The following ZNF25 variants were observed in gnomAD, a reference collection of about 807,000 sequenced individuals.
ZNF25 encodes zinc finger protein 25 (KOX 19).
ZNF25 carries 21 observed loss-of-function variants against 30.9 expected under a neutral mutation model. The ratio of observed to expected loss-of-function variants is 0.68; its 90% CI spans 0.48 to 0.98. The LOEUF is 0.98. Among genes scored for constraint, ZNF25 ranks in the 50% least tolerant of loss-of-function variants. The pLI, the probability that ZNF25 is intolerant of heterozygous loss-of-function variation, is 0.00. For synonymous variants in ZNF25, 169 were observed against 181.3 expected (o/e 0.93, Z 0.55); for missense variants, 501 against 529.9 (o/e 0.95, Z 0.54).
At chr10:37,973,351 CACACCTGTAATCCCA>C in intron 1 of ZNF25, among the ~76,000 whole-genome samples, 1 of 152,158 alleles carries the variant, frequency 6.6e-6, no homozygotes, top group East Asian at 1.9e-4. Flanking sequence ...CACTGTGGCT[CACACCTGTAATCCCA>C]ACACTTTGGG....
intron 2 of ZNF25, among the ~76,000 whole-genome samples, chr10:37,966,372 C>T (rs1398011801): frequency 6.6e-6 from 1 of 151,662 alleles, no homozygotes; most frequent in Non-Finnish European, 1.5e-5. Context: ...CAAGATCGCA[C>T]CACTGCACTC....
chr10:37,955,305 C>A (rs550508362), intron 4 of ZNF25, among the ~76,000 whole-genome samples: 1 of 152,104 alleles, frequency 6.6e-6, no homozygotes, highest in Admixed American at 6.6e-5. Flanking sequence ...ATGAATATTA[C>A]TAATACCTCC....
At position 37,971,247 on chromosome 10, in the gene ZNF25, C is replaced by T. The variant is rs151076783; in HGVS notation, c.15+461G>A. Reference sequence around the variant, plus strand: ...AGGAGAATCACTTGAACCTGGGAGACAGAGGCTGCAGTGAGCCAAGATTAT... The same window carrying T: ...AGGAGAATCACTTGAACCTGGGAGATAGAGGCTGCAGTGAGCCAAGATTAT... On this transcript the variant is annotated intron_variant, in intron 2 of 5. Coordinates refer to ENST00000302609, the MANE Select transcript of ZNF25 (RefSeq NM_145011.4). 3.9e-3 allele frequency among the ~76,000 whole-genome samples: 588 copies of T among 149,142 alleles called. 7 individuals are homozygous for T. Among genetic ancestry groups the T allele is most frequent in the African/African-American group, 0.014 (559 of 40,472 alleles).
At chr10:37,964,392 C>T (rs142602506) in intron 2 of ZNF25, among the ~76,000 whole-genome samples, 173 of 152,216 alleles carry the variant, frequency 1.1e-3, no homozygotes, top group African/African-American at 2.9e-3. Flanking sequence ...TTCTAAGAGA[C>T]GGATTAAATG....
rs1420252402 is a variant in ZNF25 at position 37,952,379 on chromosome 10, T to C, written c.1119A>G (p.Thr373=). Reference sequence around the variant, plus strand: ...TCACAGCAAAAGATTTGCCACATTCTGTGCATTCATAGGGCTTCTCCCCTG... The same window carrying C: ...TCACAGCAAAAGATTTGCCACATTCCGTGCATTCATAGGGCTTCTCCCCTG... ...KHTGEKPYEC[T]ECGKSFAVNS... Residue 373 remains threonine (T), a synonymous_variant, in exon 6 of 6, where the codon ACA becomes ACG. Coordinates refer to ENST00000302609, the MANE Select transcript of ZNF25 (RefSeq NM_145011.4). The C allele has an allele frequency of 6.2e-7, 1 of 1,613,350 alleles. No homozygotes were observed. Among genetic ancestry groups the C allele is most frequent in the Non-Finnish European group, 8.5e-7 (1 of 1,179,816 alleles).
intron 4 of ZNF25, among the ~76,000 whole-genome samples, chr10:37,955,447 T>C (rs1015311601): frequency 2.0e-5 from 3 of 152,160 alleles, no homozygotes; most frequent in African/African-American, 4.8e-5. Context: ...TCAACAATTT[T>C]TGTTTTGACC....
chr10:37,964,833 A>T (rs2135396689), intron 2 of ZNF25, among the ~76,000 whole-genome samples: 1 of 152,324 alleles, frequency 6.6e-6, no homozygotes, highest in Middle Eastern at 3.4e-3. Context: ...GGAGCCAAGT[A>T]ACAATCCAAG....
In ZNF25 at chr10:37,950,833, T is replaced by G. The variant is rs2135257325; in HGVS notation, c.*1294A>C. 6.6e-6 allele frequency: 1 copy of G among 152,316 alleles called. No homozygotes were observed. The highest frequency in any genetic ancestry group is 1.5e-5 in the Non-Finnish European group (1 of 68,030). The allele number at this position is 152,316 out of a possible 1,614,324, so 9.4% of individuals were successfully genotyped here. A position where few individuals can be genotyped will look rare whatever the true frequency, so the allele number is the denominator to read the frequency against. ...GTCCACACCCTTAACTATGCCATGT[T>G]GCTTCTATGAGGAAGAAAAAGTTGG... On this transcript the variant is annotated 3_prime_UTR_variant, in exon 6 of 6. Transcript: ENST00000302609.
intron 2 of ZNF25, among the ~76,000 whole-genome samples, chr10:37,969,776 A>T (rs1324015941): frequency 6.6e-6 from 1 of 152,266 alleles, no homozygotes; most frequent in East Asian, 1.9e-4. Context: ...ATTTCACTTC[A>T]ATTAAAACAA....
chr10:37,952,418 A>C lies in ZNF25; in HGVS notation c.1080T>G (p.His360Gln), dbSNP rs773150350. 36 of 1,613,928 alleles carry C rather than the reference A, an allele frequency of 2.2e-5. No individual in the cohort carries two copies. The highest frequency in any genetic ancestry group is 3.1e-5 in the Non-Finnish European group (36 of 1,179,988). The change falls in exon 6 of 6, where the codon CAT (histidine) becomes CAG (glutamine). Residue 360 changes from histidine to glutamine, a missense_variant. Physicochemically the swap from His to Gln is conservative, Grantham distance 24. Coordinates refer to ENST00000302609, the MANE Select transcript of ZNF25 (RefSeq NM_145011.4). ...TFYYKSDLTKHQRKHTGEKPY... is the reference protein window; with the variant it reads ...TFYYKSDLTKQQRKHTGEKPY... ...GCTTCTCCCCTGTGTGTTTTCTCTG[A>C]TGTTTAGTGAGGTCTGATTTATAGT...
intron 2 of ZNF25, among the ~76,000 whole-genome samples, chr10:37,964,440 A>G (rs1363048578): frequency 3.3e-5 from 5 of 152,206 alleles, no homozygotes; most frequent in Non-Finnish European, 2.9e-5. Flanking sequence ...TGGACAGTGA[A>G]GGCTAAGCTG....
intron 2 of ZNF25, among the ~76,000 whole-genome samples, chr10:37,963,499 A>T (rs2063006670): frequency 6.6e-6 from 1 of 152,164 alleles, no homozygotes; most frequent in African/African-American, 2.4e-5. Context: ...TTACTGGCCT[A>T]CTGATACAGT....
chr10:37,960,745 G>C (rs1157175432), intron 2 of ZNF25, among the ~76,000 whole-genome samples: 1 of 151,864 alleles, frequency 6.6e-6, no homozygotes, highest in Non-Finnish European at 1.5e-5. Context: ...AGTAAGCCAG[G>C]AGGAGTATCT....
intron 1 of ZNF25, among the ~76,000 whole-genome samples, chr10:37,972,811 A>T (rs1354833336): frequency 6.6e-6 from 1 of 152,188 alleles, no homozygotes; most frequent in Non-Finnish European, 1.5e-5. Flanking sequence ...GACTCCACCG[A>T]AAAAACTGGT....
chr10:37,951,902 T>C lies in ZNF25; in HGVS notation c.*225A>G. ...TTCCTGTTTTACAATTTGCATGACTTCTGCCATCTATATTATCTAATATTT... is the reference window on the plus strand; with the variant it reads ...TTCCTGTTTTACAATTTGCATGACTCCTGCCATCTATATTATCTAATATTT... On this transcript the variant is annotated 3_prime_UTR_variant, in exon 6 of 6. Coordinates refer to ENST00000302609, the MANE Select transcript of ZNF25 (RefSeq NM_145011.4). 1 of 414,490 alleles carries C rather than the reference T, an allele frequency of 2.4e-6. No individual in the cohort carries two copies. Among genetic ancestry groups the C allele is most frequent in the Non-Finnish European group, 4.2e-6 (1 of 236,686 alleles). The allele number at this position is 414,490 out of a possible 1,614,324, so 25.7% of individuals were successfully genotyped here.
intron 4 of ZNF25, among the ~76,000 whole-genome samples, chr10:37,954,558 C>T (rs934136924): frequency 2.6e-5 from 4 of 152,140 alleles, no homozygotes; most frequent in Non-Finnish European, 5.9e-5. Context: ...ACCATCAAAT[C>T]CTGCACTTCT....
chr10:37,971,268 A>C (rs909758729), intron 2 of ZNF25, among the ~76,000 whole-genome samples: 3 of 150,858 alleles, frequency 2.0e-5, no homozygotes, highest in Non-Finnish European at 4.4e-5. Context: ...GTGAGCCAAG[A>C]TTATACCATT....
chr10:37,960,900 T>C (rs1001397136), intron 2 of ZNF25, among the ~76,000 whole-genome samples: 16 of 152,160 alleles, frequency 1.1e-4, no homozygotes, highest in Non-Finnish European at 2.2e-4. Flanking sequence ...TTGAGAAATG[T>C]TGGAAATATC....
At chr10:37,971,532 T>C (rs1816763190) in intron 2 of ZNF25, among the ~76,000 whole-genome samples, 176 bp downstream of exon 2, 2 of 151,950 alleles carry the variant, frequency 1.3e-5, no homozygotes, top group Admixed American at 6.6e-5. Flanking sequence ...ATTTTGAGAA[T>C]TGCTGTTTTA....
Sources: allele counts gnomAD v4.1 joint callset (sites outside exome capture counted in the v4.1 genomes callset), GRCh38; gene constraint gnomAD v4.1.1; transcripts MANE v1.5; gene names NCBI Gene and HGNC (gene_info 2026-07-23, HGNC 2026-07-21).